AASDH: variants seen among roughly 807,000 people sequenced by gnomAD.
AASDH encodes the protein beta-alanine-activating enzyme.
Under a neutral mutation model 102.3 loss-of-function variants are expected in AASDH, and 81 were observed. The ratio of observed to expected loss-of-function variants is 0.79; its 90% confidence interval spans 0.66 to 0.95. AASDH has a LOEUF of 0.95. Ranked by LOEUF, AASDH falls within the 40% of genes least tolerant of loss-of-function variation. The pLI, the probability that AASDH is intolerant of heterozygous loss-of-function variation, is 0.00. For missense variants in AASDH, 1,203 were observed against 1,266.2 expected (o/e 0.95, Z 0.76); for synonymous variants, 398 against 454.0 (o/e 0.88, Z 1.57).
At chr4:56,365,671 C>T (rs566268135) in intron 5 of AASDH, among the ~76,000 whole-genome samples, 42 of 152,120 alleles carry the variant, frequency 2.8e-4, no homozygotes, top group African/African-American at 9.4e-4. Flanking sequence ...TTGAAACCAA[C>T]GAGAACAAAG....
intron 13 of AASDH, among the ~76,000 whole-genome samples, chr4:56,343,340 AAAC>A (rs143749180): frequency 0.21 from 26,160 of 125,628 alleles, 2,611 homozygotes; most frequent in Admixed American, 0.37. Context: ...CTCTGTCAAA[AAAC>A]AAACAAACAA....
intron 4 of AASDH, among the ~76,000 whole-genome samples, chr4:56,372,361 C>T (rs1419356458): frequency 6.6e-6 from 1 of 152,200 alleles, no homozygotes; most frequent in Non-Finnish European, 1.5e-5. Context: ...CCTGATCTAA[C>T]TCCTGGTTCT....
chr4:56,339,003 T>TGGA (rs1560557482), intron 14 of AASDH, among the ~76,000 whole-genome samples: 1 of 152,288 alleles, frequency 6.6e-6, no homozygotes, highest in East Asian at 1.9e-4. Flanking sequence ...CAAAATATAC[T>TGGA]GGAGTGTTGT....
At chr4:56,357,018 G>A (rs1352064279) in intron 5 of AASDH, 5 of 351,236 alleles carry the variant, frequency 1.4e-5, no homozygotes, top group African/African-American at 4.2e-5. Flanking sequence ...AAACAATAAT[G>A]AATAAAGATT....
At position 56,345,127 on chromosome 4, in the gene AASDH, A is replaced by G; in HGVS notation, c.2652T>C (p.Tyr884=). ...CAGCTAATTTGAGGTCAATCCTTAC[A>G]TAAATATCTAAAGCATATGCGTGCT... ...HDQHAYALDI[Y]RKKCVWKSKC... is the part of the protein sequence containing the mutation. The change falls in exon 12 of 15, where the codon TAT becomes TAC. Residue 884 remains tyrosine (Y), a splice_region_variant and synonymous_variant. Transcript: ENST00000205214. The G allele has an allele frequency of 6.2e-7, 1 of 1,613,754 alleles. No individual in the cohort carries two copies. The highest frequency in any genetic ancestry group is 8.5e-7 in the Non-Finnish European group (1 of 1,179,846).
At chr4:56,351,527 C>A in intron 9 of AASDH, 70 bp from the exon 10 acceptor site, 1 of 814,708 alleles carries the variant, frequency 1.2e-6, no homozygotes, top group South Asian at 1.7e-5. Flanking sequence ...TTTATATATT[C>A]ATTAGCCATA....
At chr4:56,369,553 T>G (rs1751447263) in intron 5 of AASDH, among the ~76,000 whole-genome samples, 1 of 152,266 alleles carries the variant, frequency 6.6e-6, no homozygotes, top group South Asian at 2.1e-4. Flanking sequence ...AGTATCAAAT[T>G]TTGTTTTTAT....
At chr4:56,382,728 C>T in intron 2 of AASDH, 131 bp from the exon 3 acceptor site, 3 of 1,028,198 alleles carry the variant, frequency 2.9e-6, no homozygotes, top group South Asian at 1.6e-5. Context: ...CACTTTATTG[C>T]TGATCAGAAA....
chr4:56,381,639 T>C (rs1241154008), intron 3 of AASDH: 2 of 66,298 alleles, frequency 3.0e-5, no homozygotes, highest in East Asian at 3.5e-4. Flanking sequence ...CCTCAAGTTC[T>C]TGACACTTCT....
At chr4:56,339,357 G>C (rs2109832126) in intron 14 of AASDH, among the ~76,000 whole-genome samples, 1 of 151,994 alleles carries the variant, frequency 6.6e-6, no homozygotes, top group East Asian at 2.0e-4. Context: ...ATGTTAGCCA[G>C]GATGGTCTCG....
chr4:56,359,575 T>C (rs752307581), intron 5 of AASDH, among the ~76,000 whole-genome samples: 1 of 145,268 alleles, frequency 6.9e-6, no homozygotes, highest in Non-Finnish European at 1.5e-5. Flanking sequence ...TTCTTTTTTT[T>C]TGAGACAGAG....
chr4:56,383,743 A>G (rs932907827), intron 2 of AASDH, among the ~76,000 whole-genome samples: 9 of 152,186 alleles, frequency 5.9e-5, no homozygotes, highest in African/African-American at 2.2e-4. Context: ...TATCTGTGAA[A>G]TCCTGTTTTC....
At position 56,357,216 on chromosome 4, in the gene AASDH, G is replaced by A. The variant is rs564646771; in HGVS notation, c.862-1793C>T. On this transcript the variant is annotated intron_variant, in intron 5 of 14. Transcript: ENST00000205214. ...ACTAGGTAAGAAATGTAGTGCTGACGGTTCTGGAGATGGGGAAGTCCAAGA... is the reference window on the plus strand; with the variant it reads ...ACTAGGTAAGAAATGTAGTGCTGACAGTTCTGGAGATGGGGAAGTCCAAGA... Among the ~76,000 whole-genome samples the A allele has an allele frequency of 3.3e-5, 5 of 152,230 alleles. No individual in the cohort carries two copies. The South Asian group carries it at 1.0e-3, about 32-fold the overall frequency.
At chr4:56,381,174 C>G (rs1372806232) in intron 3 of AASDH, among the ~76,000 whole-genome samples, 2 of 152,210 alleles carry the variant, frequency 1.3e-5, no homozygotes, top group Non-Finnish European at 2.9e-5. Flanking sequence ...AAATAAACAT[C>G]ACATCCCCAT....
Position 56,355,418 on chromosome 4 carries a change from T to C in AASDH, c.867A>G (p.Thr289=). The C allele has an allele frequency of 6.2e-7, 1 of 1,613,474 alleles. No homozygotes were observed. The highest frequency in any genetic ancestry group is 8.5e-7 in the Non-Finnish European group (1 of 1,179,468). The change falls in exon 6 of 15, where the codon ACA becomes ACG. Residue 289 remains threonine, a synonymous_variant. Coordinates refer to ENST00000205214, the MANE Select transcript of AASDH (RefSeq NM_181806.4). The part of the protein sequence containing the change: ...SHHRVTVLQA[T]PTLLRRFGSQ... ...ATCCAAATCTTCTAAGCAATGTTGG[T>C]GTTGCCTGTAGATACATTAAAAATA...
intron 4 of AASDH, among the ~76,000 whole-genome samples, chr4:56,376,679 C>A (rs189894529): frequency 8.0e-4 from 122 of 152,122 alleles, no homozygotes; most frequent in Non-Finnish European, 1.4e-3. Flanking sequence ...AGATGATTAG[C>A]ATAAAAAATG....
chr4:56,371,093 T>C (rs564947516), intron 5 of AASDH, among the ~76,000 whole-genome samples: 1 of 152,322 alleles, frequency 6.6e-6, no homozygotes, highest in East Asian at 1.9e-4. Context: ...CTAACTCGAT[T>C]ATAATTTAAT....
intron 5 of AASDH, chr4:56,357,033 A>C: frequency 2.9e-6 from 1 of 345,852 alleles, no homozygotes. Flanking sequence ...AAGATTTATA[A>C]CAAAAGCTTT....
At position 56,349,971 on chromosome 4, in the gene AASDH, G is replaced by A. The variant is rs751883691; in HGVS notation, c.1780C>T (p.Arg594Trp). 9.9e-6 allele frequency: 16 copies of A among 1,613,248 alleles called. No homozygotes were observed. The highest frequency in any genetic ancestry group is 2.7e-5 in the African/African-American group (2 of 74,886). The change falls in exon 11 of 15, where the codon CGG (arginine) becomes TGG (tryptophan). Residue 594 changes from arginine to tryptophan, a missense_variant. Physicochemically the swap from Arg to Trp is moderately radical, Grantham distance 101 (BLOSUM62 -3). Transcript: ENST00000205214. ...NSGGDSLKSI[R>W]LLSEIEKLVG... Reference sequence around the variant, plus strand: ...AGTTTTTCAATCTCACTGAGGAGCCGGATGGACTTTAAGGAATCTCCACCA... The same window carrying A: ...AGTTTTTCAATCTCACTGAGGAGCCAGATGGACTTTAAGGAATCTCCACCA...
Sources: allele counts gnomAD v4.1 joint callset (sites outside exome capture counted in the v4.1 genomes callset), GRCh38; gene constraint gnomAD v4.1.1; transcripts MANE v1.5; gene names NCBI Gene and HGNC (gene_info 2026-07-23, HGNC 2026-07-21).